The following KCNB2 variants were observed in gnomAD, a reference collection of about 807,000 sequenced individuals.
KCNB2 encodes the protein potassium voltage-gated channel subfamily B member 2.
In KCNB2, 15 loss-of-function variants were observed where a neutral mutation model predicts 61.5. The observed-to-expected ratio is 0.24, with a 90% CI of 0.16 to 0.38. The LOEUF (loss-of-function observed/expected upper bound fraction) is 0.38, where lower values mean the gene tolerates loss of function less well. Among genes scored for constraint, KCNB2 ranks in the 10% least tolerant of loss-of-function variants. The pLI, the probability that KCNB2 is intolerant of heterozygous loss-of-function variation, is 1.00. For missense variants in KCNB2, 828 were observed against 1,125.2 expected, an observed-to-expected ratio of 0.74 and a Z score of 3.78; for synonymous variants, 457 against 446.0, an observed-to-expected ratio of 1.02 and a Z score of -0.31.
At chr8:72,676,951 A>G (rs192370597) in intron 2 of KCNB2, among the ~76,000 whole-genome samples, 1 of 151,874 alleles carries the variant, frequency 6.6e-6, no homozygotes, top group East Asian at 1.9e-4. Context: ...CATCTGTTGA[A>G]CTCTTAACCC....
intron 1 of KCNB2, among the ~76,000 whole-genome samples, chr8:72,554,022 T>C (rs75316093): frequency 0.013 from 1,914 of 152,234 alleles, 29 homozygotes; most frequent in African/African-American, 0.043. Context: ...AATATCCGTG[T>C]CATTTGCTGG....
rs146348306 is a variant in KCNB2 at position 72,872,077 on chromosome 8, G to A, written c.580-63858G>A. 2.6e-4 allele frequency among the ~76,000 whole-genome samples: 40 copies of A among 152,274 alleles called. No homozygotes were observed. The East Asian group carries it at 6.9e-3, about 26-fold the overall frequency. ...TGGCCCTTCCATGTCCAAGAACAAT[G>A]TGCTCAAATGTGAAATCTTAAGCAG... On this transcript the variant is annotated intron_variant, in intron 2 of 2. Coordinates refer to ENST00000523207, the MANE Select transcript of KCNB2 (RefSeq NM_004770.3).
intron 2 of KCNB2, among the ~76,000 whole-genome samples, chr8:72,869,848 C>A (rs566282103): frequency 1.3e-5 from 2 of 152,122 alleles, no homozygotes; most frequent in African/African-American, 4.8e-5. Context: ...GAGTTGATAT[C>A]CAAAAGAATT....
intron 2 of KCNB2, among the ~76,000 whole-genome samples, chr8:72,863,401 G>A (rs1805450993): frequency 6.6e-6 from 1 of 152,066 alleles, no homozygotes; most frequent in South Asian, 2.1e-4. Flanking sequence ...ATTTTTATTA[G>A]GTTTTTGTAT....
At chr8:72,755,030 T>C (rs1808264954) in intron 2 of KCNB2, among the ~76,000 whole-genome samples, 1 of 152,174 alleles carries the variant, frequency 6.6e-6, no homozygotes, top group Non-Finnish European at 1.5e-5. Flanking sequence ...CTTGGTAAGA[T>C]ATGATGGGAA....
intron 2 of KCNB2, among the ~76,000 whole-genome samples, chr8:72,766,970 A>G (rs1473483684): frequency 1.3e-5 from 2 of 152,180 alleles, no homozygotes; most frequent in African/African-American, 2.4e-5. Context: ...CTTACATGGC[A>G]GCAGCAAGAG....
At chr8:72,683,159 A>T (rs906649366) in intron 2 of KCNB2, among the ~76,000 whole-genome samples, 19 of 152,234 alleles carry the variant, frequency 1.2e-4, no homozygotes, top group African/African-American at 4.3e-4. Flanking sequence ...ATGTCAGGAA[A>T]TATGACGTAA....
intron 2 of KCNB2, among the ~76,000 whole-genome samples, chr8:72,685,417 C>T (rs1343069610): frequency 6.6e-6 from 1 of 151,940 alleles, no homozygotes; most frequent in Non-Finnish European, 1.5e-5. Flanking sequence ...ATGCCTTGTC[C>T]TAGAAGCTAG....
intron 2 of KCNB2, among the ~76,000 whole-genome samples, chr8:72,601,412 G>A (rs953441645): frequency 2.6e-5 from 4 of 152,208 alleles, no homozygotes; most frequent in African/African-American, 9.6e-5. Context: ...AGAGAAAGGG[G>A]AGAATCATGA....
At chr8:72,577,859 T>A (rs1239925205) in intron 2 of KCNB2, among the ~76,000 whole-genome samples, 2 of 152,210 alleles carry the variant, frequency 1.3e-5, no homozygotes, top group Non-Finnish European at 2.9e-5. Flanking sequence ...CAAGTCATCG[T>A]TTTAGCTTTA....
intron 2 of KCNB2, among the ~76,000 whole-genome samples, chr8:72,860,809 G>T (rs1485525399): frequency 6.6e-6 from 1 of 152,194 alleles, no homozygotes; most frequent in Non-Finnish European, 1.5e-5. Context: ...TTTCTCAAAT[G>T]CATGATGCAT....
chr8:72,815,458 T>C (rs1423747070), intron 2 of KCNB2, among the ~76,000 whole-genome samples: 1 of 152,116 alleles, frequency 6.6e-6, no homozygotes, highest in Non-Finnish European at 1.5e-5. Flanking sequence ...CAACTGACTG[T>C]TTGTCTTCAT....
rs1174955231 is a variant in KCNB2 at position 72,604,777 on chromosome 8, C to A, written c.579+36464C>A. On this transcript the variant is annotated intron_variant, in intron 2 of 2. Coordinates refer to ENST00000523207, the MANE Select transcript of KCNB2 (RefSeq NM_004770.3). Reference sequence around the variant, plus strand: ...TAAATTTTGTGTCCTTTCACTTAGACTCCAAAGGTCATCCCTATCTTGGAT... The same window carrying A: ...TAAATTTTGTGTCCTTTCACTTAGAATCCAAAGGTCATCCCTATCTTGGAT... Among the ~76,000 whole-genome samples the A allele has an allele frequency of 5.3e-5, 8 of 152,306 alleles. 1 individual carries two copies. Among genetic ancestry groups the A allele is most frequent in the Middle Eastern group, 3.4e-3 (1 of 294 alleles).
In KCNB2 at chr8:72,718,717, G is replaced by T. The variant is rs182325232; in HGVS notation, c.579+150404G>T. On this transcript the variant is annotated intron_variant, in intron 2 of 2. Transcript: ENST00000523207. The stretch of plus-strand genomic sequence containing the variant: ...TTAGGAGATCTACCTAATGCTAAAT[G>T]ATGAGTTAATGGGTGCAGCACACCA... Among the ~76,000 whole-genome samples the T allele has an allele frequency of 4.6e-3, 704 of 151,914 alleles. 7 individuals carry two copies. Among genetic ancestry groups the T allele is most frequent in the African/African-American group, 0.016 (673 of 41,402 alleles).
At chr8:72,871,049 T>C (rs1805607006) in intron 2 of KCNB2, among the ~76,000 whole-genome samples, 1 of 152,196 alleles carries the variant, frequency 6.6e-6, no homozygotes, top group Admixed American at 6.5e-5. Flanking sequence ...CTTCTAGTTC[T>C]GTTCCCCCCA....
intron 2 of KCNB2, among the ~76,000 whole-genome samples, chr8:72,691,297 A>T (rs1406921172): frequency 1.3e-5 from 2 of 152,174 alleles, no homozygotes; most frequent in Non-Finnish European, 2.9e-5. Context: ...TTTTGGACCA[A>T]ATTACCAGTT....
intron 2 of KCNB2, among the ~76,000 whole-genome samples, chr8:72,660,261 A>G (rs1463545099): frequency 6.6e-6 from 1 of 152,136 alleles, no homozygotes; most frequent in Admixed American, 6.5e-5. Flanking sequence ...GAAACTAAAG[A>G]AGGTTGCAAG....
At chr8:72,726,876 T>C (rs1807659269) in intron 2 of KCNB2, among the ~76,000 whole-genome samples, 1 of 151,808 alleles carries the variant, frequency 6.6e-6, no homozygotes, top group Non-Finnish European at 1.5e-5. Context: ...GACCCAGGAG[T>C]CTTGCTGCAT....
chr8:72,576,622 G>A lies in KCNB2; in HGVS notation c.579+8309G>A, dbSNP rs146604016. 4.3e-4 allele frequency among the ~76,000 whole-genome samples: 65 copies of A among 152,274 alleles called. 1 individual carries two copies. The highest frequency in any genetic ancestry group is 3.1e-3 in the Admixed American group (47 of 15,290). ...TGCAGCAGGACAGAGAAAGATGAAG[G>A]TGACCCCAAGCCACACCAGCAAGCT... On this transcript the variant is annotated intron_variant, in intron 2 of 2. Transcript: ENST00000523207.
Sources: allele counts gnomAD v4.1 joint callset (sites outside exome capture counted in the v4.1 genomes callset), GRCh38; gene constraint gnomAD v4.1.1; transcripts MANE v1.5; gene names NCBI Gene and HGNC (gene_info 2026-07-23, HGNC 2026-07-21).